The following ZFR variants were observed in gnomAD, a reference collection of about 807,000 sequenced individuals.
ZFR encodes the protein zinc finger RNA-binding protein.
ZFR carries 19 observed loss-of-function variants against 130.7 expected under a neutral mutation model. The observed-to-expected ratio is 0.15, with a 90% CI of 0.10 to 0.21. The LOEUF is 0.21. Among genes scored for constraint, ZFR ranks in the 10% least tolerant of loss-of-function variants. ZFR has a pLI of 1.00. For missense variants in ZFR, 872 were observed against 1,321.5 expected, an observed-to-expected ratio of 0.66 and a Z score of 5.27; for synonymous variants, 466 against 456.9, an observed-to-expected ratio of 1.02 and a Z score of -0.25.
chr5:32,358,487 C>T lies in ZFR; in HGVS notation c.3046-2548G>A, dbSNP rs111435198. 9.3e-3 allele frequency among the ~76,000 whole-genome samples: 1,409 copies of T among 152,240 alleles called. 24 individuals carry two copies. Among genetic ancestry groups the T allele is most frequent in the African/African-American group, 0.033 (1,351 of 41,552 alleles). ...CATCCTGGCTAACACGGTGAAACCCCGTCTCTACTAAAAATACAAAAAATT... is the reference window on the plus strand; with the variant it reads ...CATCCTGGCTAACACGGTGAAACCCTGTCTCTACTAAAAATACAAAAAATT... On this transcript the variant is annotated intron_variant, in intron 19 of 19. Coordinates refer to ENST00000265069, the MANE Select transcript of ZFR (RefSeq NM_016107.5).
intron 8 of ZFR, among the ~76,000 whole-genome samples, chr5:32,402,218 C>T (rs535395476): frequency 3.3e-5 from 5 of 152,182 alleles, no homozygotes; most frequent in African/African-American, 9.6e-5. Context: ...TTAATGAACA[C>T]ATAGGCAGGA....
At chr5:32,423,766 T>C (rs1209717762) in intron 2 of ZFR, among the ~76,000 whole-genome samples, 1 of 152,130 alleles carries the variant, frequency 6.6e-6, no homozygotes, top group Non-Finnish European at 1.5e-5. Context: ...CATTTTACTT[T>C]TCAAGACAAA....
At chr5:32,414,907 T>G in intron 5 of ZFR, 62 bp downstream of exon 5, 1 of 1,414,820 alleles carries the variant, frequency 7.1e-7, no homozygotes, top group Non-Finnish European at 9.7e-7. Context: ...ACAATCAAGA[T>G]AGTTTCTACT....
rs1191714776 is a variant in ZFR, at chr5:32,420,233, G to A, written c.138-130C>T. The A allele has an allele frequency of 2.9e-6, 3 of 1,052,274 alleles. No individual in the cohort carries two copies. The African/African-American group carries it at 4.8e-5, about 17-fold the overall frequency. 65.2% of individuals were successfully genotyped at this position (1,052,274 alleles called of 1,614,324 possible). On this transcript the variant is annotated intron_variant, in intron 2 of 19. Transcript: ENST00000265069. ...GTAATTTAATGACGGACCACAAAAG[G>A]TCAAGTACTTGAACTCAATAAACTT...
intron 2 of ZFR, among the ~76,000 whole-genome samples, chr5:32,441,042 T>TGGCTCACTGCAACCTC (rs1204817782): frequency 5.9e-5 from 9 of 152,194 alleles, no homozygotes; most frequent in African/African-American, 1.9e-4. Flanking sequence ...CGCGCGATCT[T>TGGCTCACTGCAACCTC]GGCTCACTGC....
intron 11 of ZFR, among the ~76,000 whole-genome samples, chr5:32,393,220 C>T (rs1753221077): frequency 6.6e-6 from 1 of 151,872 alleles, no homozygotes; most frequent in Non-Finnish European, 1.5e-5. Flanking sequence ...AATTTTTTTA[C>T]TGTATTTTAT....
rs1753795029 is a variant in ZFR, at chr5:32,415,287, TTAAC to T, written c.566-104_566-101del. ...CTGGAAAGAATAGGTACAAACATCA[TTAAC>T]TATAAATTTTATGCCAGCAATTTCT... On this transcript the variant is annotated intron_variant, in intron 4 of 19. Transcript: ENST00000265069. 5.7e-6 allele frequency: 6 copies of T among 1,050,836 alleles called. No homozygotes were observed. In the South Asian group the frequency reaches 9.9e-5, roughly 17 times the overall value. 65.1% of individuals were successfully genotyped at this position (1,050,836 alleles called of 1,614,324 possible).
chr5:32,382,944 T>C (rs1752964361), intron 15 of ZFR, among the ~76,000 whole-genome samples: 1 of 152,130 alleles, frequency 6.6e-6, no homozygotes, highest in East Asian at 1.9e-4. Context: ...AAAAAATCAG[T>C]TAATTTATAA....
At chr5:32,405,745 C>T (rs1753566473) in intron 6 of ZFR, among the ~76,000 whole-genome samples, 1 of 152,176 alleles carries the variant, frequency 6.6e-6, no homozygotes, top group African/African-American at 2.4e-5. Context: ...GCCACACCTG[C>T]CTCCCGTCAC....
intron 2 of ZFR, among the ~76,000 whole-genome samples, chr5:32,426,601 T>C (rs1054913130): frequency 6.6e-6 from 1 of 151,840 alleles, no homozygotes; most frequent in Admixed American, 6.6e-5. Flanking sequence ...GCAGGAAAAA[T>C]AAAAGGCATC....
In ZFR at chr5:32,415,207, T is replaced by C. The variant is rs559506091; in HGVS notation, c.566-20A>G. ...TGGGGGCTGAAGTAGGAAAGAGACA[T>C]CAGAAAATTAGAAGAGTAAGCCACT... On this transcript the variant is annotated intron_variant, in intron 4 of 19. Transcript: ENST00000265069. 1.9e-6 allele frequency: 3 copies of C among 1,609,692 alleles called. No individual in the cohort carries two copies. The highest frequency in any genetic ancestry group is 2.2e-5 in the South Asian group (2 of 90,768).
intron 19 of ZFR, among the ~76,000 whole-genome samples, chr5:32,360,140 C>T (rs1352314302): frequency 1.3e-5 from 2 of 152,122 alleles, no homozygotes; most frequent in Admixed American, 1.3e-4. Context: ...CCCACTTAAC[C>T]TAATTCAAGG....
At chr5:32,425,660 T>C (rs988383574) in intron 2 of ZFR, among the ~76,000 whole-genome samples, 3 of 152,184 alleles carry the variant, frequency 2.0e-5, no homozygotes, top group African/African-American at 7.2e-5. Context: ...CCCGAGTAGC[T>C]GGGATTACAG....
chr5:32,401,762 G>A (rs1461156882), intron 8 of ZFR, among the ~76,000 whole-genome samples: 1 of 152,142 alleles, frequency 6.6e-6, no homozygotes, highest in Non-Finnish European at 1.5e-5. Context: ...TGGAGAATAT[G>A]TTGAGATTGG....
intron 2 of ZFR, 63 bp downstream of exon 2, chr5:32,444,166 T>G: frequency 6.5e-7 from 1 of 1,536,110 alleles, no homozygotes; most frequent in Non-Finnish European, 8.8e-7. Flanking sequence ...GGGCGTCGCA[T>G]CGACAGGATC....
intron 17 of ZFR, 74 bp downstream of exon 17, chr5:32,379,041 T>A (rs923933709): frequency 8.7e-7 from 1 of 1,147,728 alleles, no homozygotes; most frequent in Admixed American, 1.9e-5. Flanking sequence ...GATAATTACA[T>A]GTAAACTGAG....
intron 19 of ZFR, among the ~76,000 whole-genome samples, chr5:32,361,349 T>C (rs1342491365): frequency 1.3e-5 from 2 of 152,234 alleles, no homozygotes; most frequent in Non-Finnish European, 2.9e-5. Flanking sequence ...TTCTACTTCA[T>C]CTACAATTAT....
At chr5:32,393,638 G>A (rs1225532465) in intron 11 of ZFR, among the ~76,000 whole-genome samples, 2 of 152,118 alleles carry the variant, frequency 1.3e-5, no homozygotes, top group Admixed American at 6.6e-5. Context: ...AACTGTGCCC[G>A]GCCAGTTTTA....
chr5:32,365,218 C>T (rs1461754127), intron 17 of ZFR, among the ~76,000 whole-genome samples: 2 of 152,124 alleles, frequency 1.3e-5, no homozygotes, highest in African/African-American at 4.8e-5. Context: ...TAGTTTGGAA[C>T]CACTATGAAA....
Sources: allele counts gnomAD v4.1 joint callset (sites outside exome capture counted in the v4.1 genomes callset), GRCh38; gene constraint gnomAD v4.1.1; transcripts MANE v1.5; gene names NCBI Gene and HGNC (gene_info 2026-07-23, HGNC 2026-07-21).